Variants in FBN1 observed in about 807,000 individuals in gnomAD.
FBN1 encodes the protein fibrillin-1.
FBN1 carries 29 observed loss-of-function variants against 365.1 expected under a neutral mutation model. That is an observed-to-expected ratio of 0.08 (90% CI 0.06 to 0.11). FBN1 has a LOEUF of 0.11. FBN1 is among the 10% of genes least tolerant of loss of function. The pLI is 1.00. For missense variants in FBN1, 2,476 were observed against 3,703.2 expected (o/e 0.67, Z 8.60); for synonymous variants, 1,210 against 1,270.5 (o/e 0.95, Z 1.01).
rs572658289 is a variant in FBN1, at chr15:48,502,150, T to C, written c.2113+1637A>G. Among the ~76,000 whole-genome samples, 431 of 152,248 alleles carry C rather than the reference T, an allele frequency of 2.8e-3. 2 individuals are homozygous for C. The highest frequency in any genetic ancestry group is 9.8e-3 in the African/African-American group (407 of 41,554). On this transcript the variant is annotated intron_variant, in intron 17 of 65. Coordinates refer to ENST00000316623, the MANE Select transcript of FBN1 (RefSeq NM_000138.5). ...TTCAAGTGATTCTCCTGCCTCAGCC[T>C]CCCGAGTAGCTGGGGTTATAGGCGC...
intron 34 of FBN1, 144 bp downstream of exon 34, chr15:48,474,111 T>C: frequency 1.6e-6 from 2 of 1,257,096 alleles, no homozygotes; most frequent in Non-Finnish European, 2.3e-6. Context: ...CCAATTTTTT[T>C]TTTCCCACAG....
chr15:48,497,181 C>T (rs1187840551), intron 19 of FBN1, 85 bp downstream of exon 19: 19 of 1,520,502 alleles, frequency 1.2e-5, no homozygotes, highest in African/African-American at 2.7e-5. Flanking sequence ...GTCCTCTAAG[C>T]TACTCAAAGG....
Position 48,437,877 on chromosome 15 carries a change from T to C in FBN1, c.6204A>G (p.Gly2068=). 1 of 1,613,866 alleles carries C rather than the reference T, an allele frequency of 6.2e-7. No homozygotes were observed. The highest frequency in any genetic ancestry group is 1.1e-5 in the South Asian group (1 of 91,086). ...TTCTGGATTTGGGTGATGAACACTT[T>C]CCTCCTTCAAACTTCGCATAACAGT... ...MSYCYAKFEG[G]KCSSPKSRNH... is the part of the protein sequence containing the mutation. The change falls in exon 51 of 66, where the codon GGA becomes GGG. Residue 2068 remains glycine (G), a synonymous_variant. Coordinates refer to ENST00000316623, the MANE Select transcript of FBN1 (RefSeq NM_000138.5).
At chr15:48,500,641 T>C (rs1231814559) in intron 17 of FBN1, among the ~76,000 whole-genome samples, 1 of 152,198 alleles carries the variant, frequency 6.6e-6, no homozygotes, top group Non-Finnish European at 1.5e-5. Context: ...TAACTCCGCG[T>C]AGTGCCATGG....
chr15:48,418,601 C>G (rs1288393727), intron 63 of FBN1, among the ~76,000 whole-genome samples: 3 of 152,176 alleles, frequency 2.0e-5, no homozygotes, highest in African/African-American at 7.2e-5. Flanking sequence ...CTTTTTCATC[C>G]TCTGCACTCT....
At chr15:48,431,627 TATA>T (rs147210251) in intron 55 of FBN1, among the ~76,000 whole-genome samples, 12,116 of 151,938 alleles carry the variant, frequency 0.08, 1,208 homozygotes, top group East Asian at 0.25. Flanking sequence ...ATGCAATAAT[TATA>T]ATAATAACAC....
intron 10 of FBN1, 41 bp from the exon 11 acceptor site, chr15:48,516,403 T>G: frequency 6.3e-7 from 1 of 1,595,302 alleles, no homozygotes; most frequent in Non-Finnish European, 8.6e-7. Context: ...AGCTGAGCTG[T>G]AGCTTATGAT....
intron 63 of FBN1, among the ~76,000 whole-genome samples, chr15:48,420,430 T>C (rs1171973383): frequency 6.6e-6 from 1 of 152,028 alleles, no homozygotes. Context: ...AGCGGGAGGG[T>C]GGAGGATATT....
chr15:48,427,832 A>G (rs1374765923), intron 57 of FBN1, 59 bp from the exon 58 acceptor site: 3 of 1,536,716 alleles, frequency 2.0e-6, no homozygotes, highest in Non-Finnish European at 2.7e-6. Flanking sequence ...CAAACAAAAT[A>G]TTAAAAATTT....
chr15:48,415,103 T>C (rs958876025), intron 64 of FBN1, among the ~76,000 whole-genome samples: 10 of 152,206 alleles, frequency 6.6e-5, no homozygotes, highest in Non-Finnish European at 1.3e-4. Context: ...AAGGGATGTC[T>C]TTGACTTATT....
chr15:48,464,120 AG>A, intron 40 of FBN1, 99 bp from the exon 41 acceptor site: 1 of 1,159,662 alleles, frequency 8.6e-7, no homozygotes, highest in South Asian at 1.3e-5. Context: ...GAAAATCTAT[AG>A]GGTATTTTCA....
rs369336180 is a variant in FBN1, at chr15:48,635,499, AC to A, written c.164+9106del. On this transcript the variant is annotated intron_variant, in intron 2 of 65. Transcript: ENST00000316623. ...AACACCAATTCTATTAGCAACTGCA[AC>A]CTATTTTTACTTATTAGTATAACCC... 5.4e-3 allele frequency among the ~76,000 whole-genome samples: 822 copies of A among 152,340 alleles called. 8 individuals are homozygous for A. Among genetic ancestry groups the A allele is most frequent in the African/African-American group, 0.019 (776 of 41,574 alleles).
Position 48,503,775 on chromosome 15 carries a change from G to A in FBN1, c.2113+12C>T, listed in dbSNP as rs371126207. ...GCTGGCAGTACGAGGGCATCTCCAT[G>A]ATACCACATACCTGAATTCTGTGCA... On this transcript the variant is annotated intron_variant, in intron 17 of 65. Coordinates refer to ENST00000316623, the MANE Select transcript of FBN1 (RefSeq NM_000138.5). 2.5e-6 allele frequency: 4 copies of A among 1,613,482 alleles called. No individual in the cohort carries two copies. Among genetic ancestry groups the A allele is most frequent in the Non-Finnish European group, 3.4e-6 (4 of 1,179,880 alleles).
At chr15:48,487,782 C>T (rs1223823083) in intron 27 of FBN1, among the ~76,000 whole-genome samples, 1 of 152,168 alleles carries the variant, frequency 6.6e-6, no homozygotes, top group African/African-American at 2.4e-5. Flanking sequence ...ACAAGTTTAC[C>T]AATCACCTTT....
chr15:48,414,849 T>C (rs933248302), intron 64 of FBN1, among the ~76,000 whole-genome samples: 7 of 146,964 alleles, frequency 4.8e-5, no homozygotes, highest in African/African-American at 1.8e-4. Flanking sequence ...TGAGCTGAGA[T>C]TGCACCACTG....
At chr15:48,485,919 G>A (rs2043502976) in intron 29 of FBN1, among the ~76,000 whole-genome samples, 2 of 152,084 alleles carry the variant, frequency 1.3e-5, no homozygotes, top group Admixed American at 1.3e-4. Flanking sequence ...ACATTTCCAG[G>A]CATACGTCAA....
intron 48 of FBN1, 60 bp downstream of exon 48, chr15:48,445,316 T>A: frequency 1.3e-6 from 2 of 1,583,112 alleles, no homozygotes; most frequent in South Asian, 2.2e-5. Context: ...AGAGACTGCA[T>A]GATTCCTTGA....
intron 6 of FBN1, among the ~76,000 whole-genome samples, chr15:48,589,675 G>A (rs968854506): frequency 3.4e-5 from 5 of 147,030 alleles, no homozygotes; most frequent in Non-Finnish European, 5.9e-5. Flanking sequence ...GTGCAGTGGC[G>A]TGATCTCGGC....
chr15:48,644,840 C>T lies in FBN1; in HGVS notation c.-71G>A, dbSNP rs989470412. ...GGCTCGGTCTGCGGCCGCCGCTGCG[C>T]CCTGAAGCGCACCGCGCCGCCGGGG... On this transcript the variant is annotated 5_prime_UTR_variant, in exon 2 of 66. Transcript: ENST00000316623. 17 of 1,428,610 alleles carry T rather than the reference C, an allele frequency of 1.2e-5. No homozygotes were observed. Among genetic ancestry groups the T allele is most frequent in the Non-Finnish European group, 1.5e-5 (16 of 1,092,496 alleles). 88.5% of individuals were successfully genotyped at this position (1,428,610 alleles called of 1,614,324 possible).
Sources: allele counts gnomAD v4.1 joint callset (sites outside exome capture counted in the v4.1 genomes callset), GRCh38; gene constraint gnomAD v4.1.1; transcripts MANE v1.5; gene names NCBI Gene and HGNC (gene_info 2026-07-23, HGNC 2026-07-21).